PDHA1: variants seen among roughly 807,000 people sequenced by gnomAD.
PDHA1 encodes the protein pyruvate dehydrogenase E1 subunit alpha 1, also known as pyruvate dehydrogenase E1 component subunit alpha, somatic form, mitochondrial.
In PDHA1, 1 loss-of-function variant was observed where a neutral mutation model predicts 33.0. That is an observed-to-expected ratio of 0.03 (90% CI 0.01 to 0.14). The LOEUF is 0.14. PDHA1 is among the 10% of genes least tolerant of loss of function. The pLI is 1.00. For missense variants in PDHA1, 168 were observed against 325.1 expected, an observed-to-expected ratio of 0.52 and a Z score of 3.72; for synonymous variants, 123 against 119.2, an observed-to-expected ratio of 1.03 and a Z score of -0.21.
In PDHA1 at chrX:19,349,351, G is replaced by C. The variant is rs150318528; in HGVS notation, c.97G>C (p.Asp33His). ...VLVASRNFAN[D>H]ATFEIKKCDL... ...GGTAGCATCCCGTAATTTTGCAAAT[G>C]ATGCTACATTTGAAATTAAGGTAAG... Residue 33 changes from aspartate (D) to histidine (H), a missense_variant, in exon 2 of 11, where the codon GAT becomes CAT. By Grantham distance (81) the Asp-to-His change is moderately conservative. Transcript: ENST00000422285. 1.1e-4 allele frequency: 124 copies of C among 1,176,477 alleles called. No individual in the cohort carries two copies. In the African/African-American group the frequency reaches 1.9e-3, roughly 18 times the overall value.
intron 3 of PDHA1, 33 bp downstream of exon 3, chrX:19,350,143 T>A (rs1325144040): frequency 9.4e-7 from 1 of 1,064,208 alleles, no homozygotes; most frequent in Admixed American, 2.2e-5. Flanking sequence ...AACTGTGTTA[T>A]TTAGGTACTG....
intron 4 of PDHA1, 175 bp downstream of exon 4, chrX:19,351,582 G>C: frequency 2.3e-6 from 1 of 440,438 alleles, no homozygotes; most frequent in East Asian, 3.9e-5. Context: ...GACCATTTGT[G>C]AAGTTCTCTG....
chrX:19,356,681 A>G (rs1569192205), intron 8 of PDHA1, among the ~76,000 whole-genome samples: 2 of 100,337 alleles, frequency 2.0e-5, no homozygotes, highest in East Asian at 5.6e-4. Flanking sequence ...GGGGAGTTGT[A>G]GAATGTAGTT....
Position 19,357,836 on chromosome X carries a change from G to A in PDHA1, c.899+117G>A, listed in dbSNP as rs996025838. 1.4e-5 allele frequency: 8 copies of A among 584,850 alleles called. 1 individual carries two copies. Among genetic ancestry groups the A allele is most frequent in the South Asian group, 7.3e-5 (3 of 41,278 alleles). The allele number at this position is 584,850 out of a possible 1,213,427, so 48.2% of individuals were successfully genotyped here. A position where few individuals can be genotyped will look rare whatever the true frequency, so the allele number is the denominator to read the frequency against. Reference sequence around the variant, plus strand: ...CTAGATACCAGTTCACTTCATGTACGCAGTTGTGTTGGGCATCAAGTTATC... The same window carrying A: ...CTAGATACCAGTTCACTTCATGTACACAGTTGTGTTGGGCATCAAGTTATC... On this transcript the variant is annotated intron_variant, in intron 9 of 10. Transcript: ENST00000422285.
rs56021619 is a variant in PDHA1 at position 19,360,794 on chromosome X, C to T, written c.*1141C>T. On this transcript the variant is annotated 3_prime_UTR_variant, in exon 11 of 11. Transcript: ENST00000422285. Reference sequence around the variant, plus strand: ...CTGAGGCCTCCTGAGCCCTTCTGTACTGGGAGACCGCACTCCAGAGTCTGC... The same window carrying T: ...CTGAGGCCTCCTGAGCCCTTCTGTATTGGGAGACCGCACTCCAGAGTCTGC... 8.3e-7 allele frequency: 1 copy of T among 1,210,014 alleles called. No homozygotes were observed. Among genetic ancestry groups the T allele is most frequent in the African/African-American group, 1.7e-5 (1 of 57,710 alleles).
chrX:19,359,228 A>G (rs778568166), intron 10 of PDHA1, among the ~76,000 whole-genome samples: 1 of 111,551 alleles, frequency 9.0e-6, no homozygotes, highest in African/African-American at 3.3e-5. Context: ...CAGATTTCAG[A>G]TTTTGGTGGA....
In PDHA1 at chrX:19,346,575, C is replaced by T. The variant is rs182962186; in HGVS notation, c.57+2481C>T. 8.8e-4 allele frequency: 756 copies of T among 860,497 alleles called. 3 individuals are homozygous for T. The African/African-American group carries it at 0.014, about 15-fold the overall frequency. 70.9% of individuals were successfully genotyped at this position (860,497 alleles called of 1,213,427 possible). On this transcript the variant is annotated intron_variant, in intron 1 of 10. Coordinates refer to ENST00000422285, the MANE Select transcript of PDHA1 (RefSeq NM_000284.4). ...CCAGGCTCAAGCAGTCCTCCCACCT[C>T]GGCCTCCCAAAGTGCTGGGATTACT...
At position 19,360,857 on chromosome X, in the gene PDHA1, T is replaced by C. The variant is rs765707363; in HGVS notation, c.*1204T>C. The C allele has an allele frequency of 8.9e-7, 1 of 1,120,585 alleles. No homozygotes were observed. The highest frequency in any genetic ancestry group is 2.6e-5 in the Admixed American group (1 of 38,839). 92.3% of individuals were successfully genotyped at this position (1,120,585 alleles called of 1,213,427 possible). On this transcript the variant is annotated 3_prime_UTR_variant, in exon 11 of 11. Coordinates refer to ENST00000422285, the MANE Select transcript of PDHA1 (RefSeq NM_000284.4). Reference sequence around the variant, plus strand: ...CCCTGGGAAACAAACACAGCTGTCTTCAGAGTCAGTGCTTCAAGCCAACAG... The same window carrying C: ...CCCTGGGAAACAAACACAGCTGTCTCCAGAGTCAGTGCTTCAAGCCAACAG...
At chrX:19,345,750 C>CA (rs767197470) in intron 1 of PDHA1, 3 of 258,225 alleles carry the variant, frequency 1.2e-5, no homozygotes, top group African/African-American at 9.7e-5. Context: ...CAGGGTCCCC[C>CA]CCCCCCCGCC....
chrX:19,361,505 C>T lies in PDHA1; in HGVS notation c.*1852C>T. On this transcript the variant is annotated 3_prime_UTR_variant, in exon 11 of 11. Transcript: ENST00000422285. ...GTTGTAAATTTACCTTTTCAATTGT[C>T]TTTGCATCAGCTCCTTGCAGCCGCA... 8.3e-7 allele frequency: 1 copy of T among 1,210,154 alleles called. No individual in the cohort carries two copies.
chrX:19,346,048 A>G (rs186417190), intron 1 of PDHA1, among the ~76,000 whole-genome samples: 84 of 112,466 alleles, frequency 7.5e-4, no homozygotes, highest in South Asian at 2.2e-3. Flanking sequence ...AAGTAACAAA[A>G]TAGATCAACG....
chrX:19,357,388 G>A, intron 8 of PDHA1: 1 of 375,367 alleles, frequency 2.7e-6, no homozygotes, highest in Non-Finnish European at 4.7e-6. Context: ...GAGCCACCAT[G>A]CCTGGCCTTC....
chrX:19,349,459 CATGCT>C, intron 2 of PDHA1, 88 bp downstream of exon 2: 1 of 580,378 alleles, frequency 1.7e-6, no homozygotes, highest in Non-Finnish European at 2.9e-6. Context: ...TTTTGATGTT[CATGCT>C]TAGTCATCAT....
rs1395014284 is a variant in PDHA1, at chrX:19,360,518, G to A, written c.*865G>A. ...TACAAGTGAATTTCCTAATATTCCG[G>A]GAGGTCAAAACCAAGGCTCACTGTT... is the stretch of plus-strand genomic sequence containing the variant. On this transcript the variant is annotated 3_prime_UTR_variant, in exon 11 of 11. Transcript: ENST00000422285. 6.4e-6 allele frequency: 2 copies of A among 310,860 alleles called. No individual in the cohort carries two copies. Among genetic ancestry groups the A allele is most frequent in the Non-Finnish European group, 1.1e-5 (2 of 178,359 alleles). 25.6% of individuals were successfully genotyped at this position (310,860 alleles called of 1,213,427 possible).
In PDHA1 at chrX:19,349,926, T is replaced by C. The variant is rs1421674900; in HGVS notation, c.118-11T>C. 4 of 1,198,722 alleles carry C rather than the reference T, an allele frequency of 3.3e-6. No homozygotes were observed. The highest frequency in any genetic ancestry group is 4.5e-6 in the Non-Finnish European group (4 of 883,353). On this transcript the variant is annotated splice_polypyrimidine_tract_variant and intron_variant, in intron 2 of 10. Transcript: ENST00000422285. ...TATGTGGAGGATAATAACTACCTTA[T>C]TCCATTTCAGAAATGTGACCTTCAC...
At chrX:19,344,378 C>T (rs2063116819) in intron 1 of PDHA1, among the ~76,000 whole-genome samples, 1 of 113,403 alleles carries the variant, frequency 8.8e-6, no homozygotes, top group Admixed American at 9.2e-5. Flanking sequence ...TCAAGAGGTG[C>T]CTGTTGGGTT....
Position 19,361,345 on chromosome X carries a change from C to T in PDHA1, c.*1692C>T, listed in dbSNP as rs2063284686. On this transcript the variant is annotated 3_prime_UTR_variant, in exon 11 of 11. Transcript: ENST00000422285. Reference sequence around the variant, plus strand: ...ACTGTTTTGAGGCTCTTACCGTAGTCGAAGGTATCTTAGATCTTCCTTAGT... The same window carrying T: ...ACTGTTTTGAGGCTCTTACCGTAGTTGAAGGTATCTTAGATCTTCCTTAGT... 8 of 1,201,981 alleles carry T rather than the reference C, an allele frequency of 6.7e-6. No homozygotes were observed. The highest frequency in any genetic ancestry group is 3.6e-5 in the South Asian group (2 of 56,240).
intron 9 of PDHA1, among the ~76,000 whole-genome samples, chrX:19,358,527 C>CCCACCCATGTAGTATA (rs1164186023): frequency 9.0e-6 from 1 of 111,284 alleles, no homozygotes; most frequent in African/African-American, 3.3e-5. Context: ...CTCTGCTGTC[C>CCCACCCATGTAGTATA]CCACCCATGT....
intron 5 of PDHA1, 156 bp downstream of exon 5, chrX:19,353,329 T>C: frequency 3.9e-6 from 2 of 514,533 alleles, no homozygotes; most frequent in Non-Finnish European, 7.0e-6. Flanking sequence ...GTTGGACCCA[T>C]AAGATTATAA....
Sources: allele counts gnomAD v4.1 joint callset (sites outside exome capture counted in the v4.1 genomes callset), GRCh38; gene constraint gnomAD v4.1.1; transcripts MANE v1.5; gene names NCBI Gene and HGNC (gene_info 2026-07-23, HGNC 2026-07-21).